PRKCH: variants seen among roughly 807,000 people sequenced by gnomAD.
PRKCH encodes the protein protein kinase C eta type.
Under a neutral mutation model 82.5 loss-of-function variants are expected in PRKCH, and 28 were observed. The observed-to-expected ratio is 0.34, with a 90% CI of 0.25 to 0.47. The LOEUF (loss-of-function observed/expected upper bound fraction) is 0.47. Ranked by LOEUF, PRKCH falls within the 20% of genes least tolerant of loss-of-function variation. The pLI is 1.00. For synonymous variants in PRKCH, 322 were observed against 327.4 expected, an observed-to-expected ratio of 0.98 and a Z score of 0.18; for missense variants, 705 against 881.8, an observed-to-expected ratio of 0.80 and a Z score of 2.54.
At chr14:61,477,928 T>G (rs995567905) in intron 9 of PRKCH, among the ~76,000 whole-genome samples, 8 of 152,114 alleles carry the variant, frequency 5.3e-5, no homozygotes, top group African/African-American at 1.9e-4. Flanking sequence ...TGTCCACTTG[T>G]GAGTGTGTGT....
intron 1 of PRKCH, among the ~76,000 whole-genome samples, chr14:61,189,130 C>T (rs942348611): frequency 6.6e-6 from 1 of 152,220 alleles, no homozygotes; most frequent in Non-Finnish European, 1.5e-5. Flanking sequence ...GGCGGTGACT[C>T]GCAGAGCTCC....
intron 2 of PRKCH, among the ~76,000 whole-genome samples, chr14:61,437,715 A>C (rs1265571057): frequency 6.6e-6 from 1 of 152,114 alleles, no homozygotes; most frequent in Non-Finnish European, 1.5e-5. Context: ...AAGCTAGCTA[A>C]ATGTGTCTCG....
At chr14:61,391,310 T>C in intron 2 of PRKCH, 22 bp downstream of exon 2, 1 of 1,572,138 alleles carries the variant, frequency 6.4e-7, no homozygotes, top group Non-Finnish European at 8.7e-7. Flanking sequence ...TTTTGGGTAG[T>C]TTCCAGAATA....
At chr14:61,247,658 C>A (rs2140070510) in intron 1 of PRKCH, among the ~76,000 whole-genome samples, 1 of 148,950 alleles carries the variant, frequency 6.7e-6, no homozygotes, top group South Asian at 2.2e-4. Context: ...ATCGCTTGAA[C>A]CCTGGAGGCG....
chr14:61,526,004 C>G (rs574969180), intron 10 of PRKCH, among the ~76,000 whole-genome samples: 1 of 152,152 alleles, frequency 6.6e-6, no homozygotes, highest in Non-Finnish European at 1.5e-5. Flanking sequence ...GGCACCCAGG[C>G]CTTATAGTGC....
At chr14:61,191,203 C>T (rs953873786) in intron 1 of PRKCH, among the ~76,000 whole-genome samples, 4 of 152,158 alleles carry the variant, frequency 2.6e-5, no homozygotes, top group African/African-American at 4.8e-5. Flanking sequence ...AAGCAGCTTC[C>T]GTGAAAGTGA....
At chr14:61,256,379 T>C (rs2044997863) in intron 1 of PRKCH, among the ~76,000 whole-genome samples, 1 of 152,064 alleles carries the variant, frequency 6.6e-6, no homozygotes, top group African/African-American at 2.4e-5. Flanking sequence ...TTCCCCGGAG[T>C]TGGTTTCTGA....
At chr14:61,408,289 A>G (rs1256168820) in intron 2 of PRKCH, among the ~76,000 whole-genome samples, 5 of 151,966 alleles carry the variant, frequency 3.3e-5, no homozygotes, top group Non-Finnish European at 5.9e-5. Flanking sequence ...GGAGAGAGAA[A>G]TCTCTTCATT....
At position 61,288,559 on chromosome 14, in the gene PRKCH, C is replaced by T. The variant is rs560313882; in HGVS notation, c.-19+100891C>T. On this transcript the variant is annotated intron_variant, in intron 1 of 3. Transcript: ENST00000555185. ...CATGGAGTGTTGTAGGGGCCCCTGA[C>T]TTTTTCTCTGAATAGTAACTCTGAA... 1.7e-3 allele frequency among the ~76,000 whole-genome samples: 262 copies of T among 150,608 alleles called. 1 individual carries two copies. The highest frequency in any genetic ancestry group is 6.1e-3 in the African/African-American group (245 of 39,908).
At chr14:61,394,032 C>G (rs1594657542) in intron 2 of PRKCH, among the ~76,000 whole-genome samples, 1 of 152,290 alleles carries the variant, frequency 6.6e-6, no homozygotes, top group South Asian at 2.1e-4. Context: ...TTACTAAAAC[C>G]TCATGAAGAT....
intron 1 of PRKCH, among the ~76,000 whole-genome samples, chr14:61,249,345 G>A (rs1320958461): frequency 6.6e-6 from 1 of 152,098 alleles, no homozygotes; most frequent in Non-Finnish European, 1.5e-5. Context: ...TAGAGCCAGG[G>A]AGCAGGGGAG....
At chr14:61,524,949 A>G (rs1348118638) in intron 10 of PRKCH, 1 of 152,208 alleles carries the variant, frequency 6.6e-6, no homozygotes, top group Non-Finnish European at 1.5e-5. Flanking sequence ...AGCAAAGTTT[A>G]TGGAGTGTCC....
In PRKCH at chr14:61,457,675, C is replaced by T; in HGVS notation, c.1274C>T (p.Thr425Ile). The T allele has an allele frequency of 1.2e-6, 2 of 1,613,970 alleles. No individual in the cohort carries two copies. Among genetic ancestry groups the T allele is most frequent in the Non-Finnish European group, 8.5e-7 (1 of 1,179,892 alleles). Residue 425 changes from threonine (T) to isoleucine (I), a missense_variant, in exon 9 of 14, where the codon ACC becomes ATC. This residue lies in a region of PRKCH where 238 missense variants were observed against 258.1 expected (regional missense o/e 0.92). Transcript: ENST00000332981. ...ACTCAGTTGTTCTGCTGCTTTCAGA[C>T]CCCCGTAAGTATGAATCACATTCAC... Reference protein sequence around the residue: ...FLTQLFCCFQTPDRLFFVMEF... With the variant: ...FLTQLFCCFQIPDRLFFVMEF...
chr14:61,463,241 G>C (rs1454243379), intron 9 of PRKCH: 2 of 152,176 alleles, frequency 1.3e-5, no homozygotes, highest in African/African-American at 4.8e-5. Flanking sequence ...CTGTTCAAAA[G>C]TGAGTCAGTT....
chr14:61,514,415 G>A (rs941769029), intron 10 of PRKCH, among the ~76,000 whole-genome samples: 1 of 151,854 alleles, frequency 6.6e-6, no homozygotes, highest in Non-Finnish European at 1.5e-5. Flanking sequence ...CTTGGAATCA[G>A]TTTGGTTCTA....
chr14:61,210,156 A>ATATG (rs2044562515), intron 1 of PRKCH, among the ~76,000 whole-genome samples: 1 of 103,456 alleles, frequency 9.7e-6, no homozygotes, highest in African/African-American at 3.8e-5. Context: ...ATATATATAT[A>ATATG]TATATAAATT....
intron 1 of PRKCH, chr14:61,305,616 C>T (rs1390650863): frequency 6.6e-6 from 1 of 152,116 alleles, no homozygotes; most frequent in South Asian, 2.1e-4. Flanking sequence ...ATCCTTTTGC[C>T]ATCTCCAAAC....
chr14:61,358,642 T>C (rs963094362), intron 1 of PRKCH, among the ~76,000 whole-genome samples: 1 of 152,208 alleles, frequency 6.6e-6, no homozygotes, highest in African/African-American at 2.4e-5. Flanking sequence ...TCCACCCTGG[T>C]TGAAGCCCTC....
chr14:61,282,182 T>G (rs982038405), intron 1 of PRKCH, among the ~76,000 whole-genome samples: 1 of 151,950 alleles, frequency 6.6e-6, no homozygotes, highest in Non-Finnish European at 1.5e-5. Context: ...ATCTGGAGTG[T>G]CTGGCCTAAG....
Sources: allele counts gnomAD v4.1 joint callset (sites outside exome capture counted in the v4.1 genomes callset), GRCh38; gene constraint gnomAD v4.1.1; regional missense constraint gnomAD v4.1.1; transcripts MANE v1.5; gene names NCBI Gene and HGNC (gene_info 2026-07-23, HGNC 2026-07-21).